ANO3: variants seen among roughly 807,000 people sequenced by gnomAD.
The protein encoded by ANO3 is anoctamin-3.
In ANO3, 99 loss-of-function variants were observed where a neutral mutation model predicts 144.8. That is an observed-to-expected ratio of 0.68 (90% CI 0.58 to 0.81). The LOEUF is 0.81. ANO3 is among the 30% of genes least tolerant of loss of function. The pLI is 0.00. For missense variants in ANO3, 905 were observed against 1,202.2 expected, an observed-to-expected ratio of 0.75 and a Z score of 3.66; for synonymous variants, 414 against 392.6, an observed-to-expected ratio of 1.05 and a Z score of -0.64.
At chr11:26,209,525 G>A (rs887765490) in intron 1 of ANO3, among the ~76,000 whole-genome samples, 5 of 152,118 alleles carry the variant, frequency 3.3e-5, no homozygotes, top group East Asian at 1.9e-4. Context: ...GGGATTGCTC[G>A]GTCAAATGTT....
chr11:26,621,617 C>T (rs1267362201), intron 17 of ANO3, among the ~76,000 whole-genome samples: 1 of 152,148 alleles, frequency 6.6e-6, no homozygotes, highest in Non-Finnish European at 1.5e-5. Context: ...CCTCAGAGCA[C>T]TTTTCACCTC....
At chr11:26,306,824 T>A (rs888309529), upstream of ANO3, among the ~76,000 whole-genome samples, 26 of 152,232 alleles carry the variant, frequency 1.7e-4, no homozygotes, top group Non-Finnish European at 2.2e-4. Flanking sequence ...TGAAATATTA[T>A]GAAATATGAT....
chr11:26,536,927 A>T (rs1366753249), intron 9 of ANO3, among the ~76,000 whole-genome samples: 1 of 152,014 alleles, frequency 6.6e-6, no homozygotes. Context: ...GATTTTAATA[A>T]GTGTCTCATA....
rs1390015796 is a variant in ANO3 at position 26,589,248 on chromosome 11, AAG to A, written c.1448-9112_1448-9111del. 9.2e-5 allele frequency among the ~76,000 whole-genome samples: 14 copies of A among 152,336 alleles called. No homozygotes were observed. In the South Asian group the frequency reaches 2.3e-3, roughly 25 times the overall value. On this transcript the variant is annotated intron_variant, in intron 14 of 26. Transcript: ENST00000256737. ...TTTGCCATATCTCTTTGTAAATGTT[AAG>A]AGAGTGACAATGAATTTAAAACATA...
intron 24 of ANO3, 122 bp downstream of exon 24, chr11:26,647,978 T>A: frequency 1.1e-6 from 1 of 908,082 alleles, no homozygotes; most frequent in Non-Finnish European, 1.6e-6. Context: ...GCATTTATAA[T>A]GTGTTTATTA....
At chr11:26,351,402 T>C (rs1354234418) in intron 1 of ANO3, among the ~76,000 whole-genome samples, 1 of 152,172 alleles carries the variant, frequency 6.6e-6, no homozygotes, top group African/African-American at 2.4e-5. Flanking sequence ...TATATTTTAT[T>C]TTTTCATTTT....
intron 1 of ANO3, among the ~76,000 whole-genome samples, chr11:26,391,930 T>C (rs1478832487): frequency 6.6e-6 from 1 of 152,128 alleles, no homozygotes; most frequent in African/African-American, 2.4e-5. Context: ...TCACTCACCA[T>C]TTTGATGTCT....
intron 13 of ANO3, among the ~76,000 whole-genome samples, chr11:26,554,971 C>T (rs915255703): frequency 1.3e-5 from 2 of 152,080 alleles, no homozygotes; most frequent in Non-Finnish European, 2.9e-5. Context: ...TCCATCTTTT[C>T]CAGAGTGGAG....
At chr11:26,247,042 ATTTTC>A (rs1482840688) in intron 1 of ANO3, among the ~76,000 whole-genome samples, 2 of 152,184 alleles carry the variant, frequency 1.3e-5, no homozygotes, top group Non-Finnish European at 2.9e-5. Flanking sequence ...TATTGAAAGT[ATTTTC>A]TTACAGTTTT....
chr11:26,393,870 TA>T (rs1437138162), intron 1 of ANO3, among the ~76,000 whole-genome samples: 9 of 152,180 alleles, frequency 5.9e-5, no homozygotes, highest in Non-Finnish European at 2.9e-5. Context: ...CATTGAAATA[TA>T]AGGGATTATT....
intron 1 of ANO3, among the ~76,000 whole-genome samples, chr11:26,410,977 A>T (rs867146390): frequency 3.3e-5 from 5 of 152,014 alleles, no homozygotes; most frequent in Admixed American, 1.3e-4. Flanking sequence ...CGGATCTTCA[A>T]CAGGGGGCTT....
upstream of ANO3, among the ~76,000 whole-genome samples, chr11:26,306,338 TA>T (rs2133866941): frequency 6.6e-6 from 1 of 150,936 alleles, no homozygotes; most frequent in South Asian, 2.1e-4. Context: ...CACCTTTGCA[TA>T]ATATCCCAAT....
At chr11:26,321,018 T>A (rs938168684) in intron 1 of ANO3, among the ~76,000 whole-genome samples, 3 of 152,166 alleles carry the variant, frequency 2.0e-5, no homozygotes, top group Non-Finnish European at 4.4e-5. Flanking sequence ...GTTTTCCTTT[T>A]CCTTATTGTT....
intron 1 of ANO3, among the ~76,000 whole-genome samples, chr11:26,227,360 G>T (rs572028046): frequency 2.0e-5 from 3 of 152,236 alleles, no homozygotes; most frequent in South Asian, 4.1e-4. Flanking sequence ...CCATTTAGAA[G>T]CCTCTTCCTT....
intron 4 of ANO3, chr11:26,474,130 T>A: frequency 1.0e-6 from 1 of 983,932 alleles, no homozygotes; most frequent in Non-Finnish European, 1.2e-6. Flanking sequence ...CTGACTGTGG[T>A]ATGTTTAAAA....
chr11:26,224,378 G>C (rs925072077), intron 1 of ANO3, among the ~76,000 whole-genome samples: 12 of 152,230 alleles, frequency 7.9e-5, no homozygotes, highest in African/African-American at 2.7e-4. Context: ...AAGCATGTAG[G>C]CAGCTATAGC....
chr11:26,199,468 T>C (rs1375636741), intron 1 of ANO3, among the ~76,000 whole-genome samples: 1 of 152,142 alleles, frequency 6.6e-6, no homozygotes, highest in Admixed American at 6.5e-5. Context: ...TTCACGTGGG[T>C]CTTTTATGTT....
intron 14 of ANO3, among the ~76,000 whole-genome samples, chr11:26,582,427 T>G (rs1284676465): frequency 6.6e-6 from 1 of 152,092 alleles, no homozygotes; most frequent in East Asian, 1.9e-4. Flanking sequence ...TTTTCTAGAG[T>G]CACAAGTTGT....
At chr11:26,466,692 C>T (rs377630071) in intron 4 of ANO3, among the ~76,000 whole-genome samples, 2 of 152,008 alleles carry the variant, frequency 1.3e-5, no homozygotes, top group African/African-American at 2.4e-5. Context: ...TATGAAAAAT[C>T]GCAACTGAGA....
Sources: gnomAD v4.1 joint callset for allele counts (sites outside exome capture counted in the v4.1 genomes callset) on GRCh38, gnomAD v4.1.1 for gene constraint, MANE v1.5 for transcripts, NCBI Gene and HGNC (gene_info 2026-07-23, HGNC 2026-07-21) for gene names.